ASIC2: variants seen among roughly 807,000 people sequenced by gnomAD.
ASIC2 encodes the protein acid-sensing ion channel 2.
Under a neutral mutation model 57.3 loss-of-function variants are expected in ASIC2, and 25 were observed. The ratio of observed to expected loss-of-function variants is 0.44; its 90% CI spans 0.32 to 0.61. ASIC2 has a LOEUF of 0.61. ASIC2 is among the 20% of genes least tolerant of loss of function. ASIC2 has a pLI of 0.06. For synonymous variants in ASIC2, 319 were observed against 307.5 expected, an observed-to-expected ratio of 1.04 and a Z score of -0.39; for missense variants, 641 against 738.1, an observed-to-expected ratio of 0.87 and a Z score of 1.52.
intron 1 of ASIC2, among the ~76,000 whole-genome samples, chr17:33,171,463 A>C (rs1340911701): frequency 6.6e-6 from 1 of 151,968 alleles, no homozygotes; most frequent in Non-Finnish European, 1.5e-5. Context: ...CTCTGTCAAC[A>C]CTCCCCCATC....
intron 1 of ASIC2, among the ~76,000 whole-genome samples, chr17:33,170,950 A>T (rs923376474): frequency 6.6e-6 from 1 of 152,174 alleles, no homozygotes; most frequent in Non-Finnish European, 1.5e-5. Flanking sequence ...CTTGACTTAG[A>T]TCTGCCCTCT....
chr17:34,049,081 T>C (rs1908444694), intron 1 of ASIC2, among the ~76,000 whole-genome samples: 1 of 152,110 alleles, frequency 6.6e-6, no homozygotes, highest in Middle Eastern at 3.2e-3. Flanking sequence ...GAGGATCACT[T>C]GAGCCCAGGA....
intron 1 of ASIC2, among the ~76,000 whole-genome samples, chr17:34,095,633 T>TTATATATATA (rs796194067): frequency 1.0e-5 from 1 of 98,184 alleles, no homozygotes; most frequent in South Asian, 3.4e-4. Context: ...ATATATAATT[T>TTATATATATA]TATATATATA....
intron 1 of ASIC2, among the ~76,000 whole-genome samples, chr17:33,865,759 T>TAAAAAAAAAAAAAA (rs61218521): frequency 1.1e-4 from 14 of 122,002 alleles, no homozygotes; most frequent in South Asian, 2.6e-4. Flanking sequence ...AAAAAAAAAA[T>TAAAAAAAAAAAAAA]AAAAAAAAAA....
At chr17:34,049,692 G>A (rs1382933138) in intron 1 of ASIC2, among the ~76,000 whole-genome samples, 1 of 152,164 alleles carries the variant, frequency 6.6e-6, no homozygotes, top group Non-Finnish European at 1.5e-5. Context: ...TATAAAACAT[G>A]CAGTTCCTTT....
At chr17:33,228,514 C>T (rs1483694280) in intron 1 of ASIC2, among the ~76,000 whole-genome samples, 2 of 152,206 alleles carry the variant, frequency 1.3e-5, no homozygotes, top group Non-Finnish European at 1.5e-5. Context: ...GGTGTGAGTG[C>T]GTGACATCCA....
chr17:33,611,982 A>G (rs947496917), intron 1 of ASIC2, among the ~76,000 whole-genome samples: 5 of 152,246 alleles, frequency 3.3e-5, no homozygotes, highest in African/African-American at 4.8e-5. Context: ...TAGAGTCTGA[A>G]GGCCTGAGGA....
At chr17:33,989,220 GT>G (rs1434838074) in intron 1 of ASIC2, among the ~76,000 whole-genome samples, 3 of 152,070 alleles carry the variant, frequency 2.0e-5, no homozygotes, top group African/African-American at 7.2e-5. Context: ...GCTGGGGAAG[GT>G]TTTTTGAGTT....
At chr17:33,817,104 C>A (rs1405254071) in intron 1 of ASIC2, among the ~76,000 whole-genome samples, 1 of 152,164 alleles carries the variant, frequency 6.6e-6, no homozygotes, top group Admixed American at 6.5e-5. Flanking sequence ...CGAAGCCTGG[C>A]CCCCATGCCA....
chr17:33,303,403 G>T (rs2142196528), intron 1 of ASIC2, among the ~76,000 whole-genome samples: 1 of 152,316 alleles, frequency 6.6e-6, no homozygotes, highest in East Asian at 1.9e-4. Context: ...GAGCCCACTT[G>T]TAGGGAAGAG....
At chr17:33,193,086 A>ACATGTT (rs1906490108) in intron 1 of ASIC2, among the ~76,000 whole-genome samples, 3 of 152,168 alleles carry the variant, frequency 2.0e-5, no homozygotes, top group African/African-American at 7.2e-5. Flanking sequence ...ACGGATTTGA[A>ACATGTT]AGTCCTTTAA....
At chr17:34,048,821 C>A (rs755748835) in intron 1 of ASIC2, among the ~76,000 whole-genome samples, 1 of 152,162 alleles carries the variant, frequency 6.6e-6, no homozygotes, top group Non-Finnish European at 1.5e-5. Flanking sequence ...TATAGACCAG[C>A]AACATAGTGA....
intron 1 of ASIC2, among the ~76,000 whole-genome samples, chr17:34,110,311 A>G (rs1333790570): frequency 6.6e-6 from 1 of 152,210 alleles, no homozygotes; most frequent in African/African-American, 2.4e-5. Flanking sequence ...TATTGCCCAG[A>G]TTAGGATAGG....
At chr17:33,927,695 A>T (rs1915852044) in intron 1 of ASIC2, among the ~76,000 whole-genome samples, 1 of 152,240 alleles carries the variant, frequency 6.6e-6, no homozygotes, top group Admixed American at 6.5e-5. Flanking sequence ...AAATGAGCAA[A>T]TTGAGGCTCA....
chr17:33,750,164 T>G (rs1910384952), intron 1 of ASIC2, among the ~76,000 whole-genome samples: 1 of 152,088 alleles, frequency 6.6e-6, no homozygotes. Context: ...AGGGAGAAAC[T>G]GAGGTTCAAG....
chr17:33,966,651 G>A (rs547172245), intron 1 of ASIC2, among the ~76,000 whole-genome samples: 6 of 152,212 alleles, frequency 3.9e-5, no homozygotes, highest in East Asian at 3.9e-4. Context: ...ACTGTGGGTC[G>A]GATGACACTG....
chr17:33,917,986 C>G (rs1362244170), intron 1 of ASIC2, among the ~76,000 whole-genome samples: 1 of 151,108 alleles, frequency 6.6e-6, no homozygotes, highest in Non-Finnish European at 1.5e-5. Context: ...CACACACACA[C>G]AGGTACTGAA....
intron 1 of ASIC2, among the ~76,000 whole-genome samples, chr17:33,635,672 G>A (rs774871369): frequency 2.0e-5 from 3 of 152,172 alleles, no homozygotes; most frequent in African/African-American, 4.8e-5. Flanking sequence ...TATTTTTAGC[G>A]TCTCTCTGTA....
intron 1 of ASIC2, among the ~76,000 whole-genome samples, chr17:33,419,420 C>A (rs1368791099): frequency 6.6e-6 from 1 of 152,210 alleles, no homozygotes; most frequent in Non-Finnish European, 1.5e-5. Context: ...CTTGTCAGTT[C>A]TGTGAATTTC....
Sources: allele counts gnomAD v4.1 joint callset (sites outside exome capture counted in the v4.1 genomes callset), GRCh38; gene constraint gnomAD v4.1.1; transcripts MANE v1.5; gene names NCBI Gene and HGNC (gene_info 2026-07-23, HGNC 2026-07-21).